The following SLC37A2 variants were observed in gnomAD, a reference collection of about 807,000 sequenced individuals.
SLC37A2 encodes the protein glucose-6-phosphate exchanger SLC37A2.
Under a neutral mutation model 70.7 loss-of-function variants are expected in SLC37A2, and 59 were observed. The observed-to-expected ratio is 0.83, with a 90% confidence interval of 0.68 to 1.04. The LOEUF (loss-of-function observed/expected upper bound fraction) is 1.04. Ranked by LOEUF, SLC37A2 falls within the 50% of genes least tolerant of loss-of-function variation. SLC37A2 has a pLI of 0.00. For synonymous variants in SLC37A2, 257 were observed against 262.1 expected (o/e 0.98, Z 0.19); for missense variants, 580 against 658.1 (o/e 0.88, Z 1.30).
chr11:125,072,802 C>T (rs11219888), intron 1 of SLC37A2, among the ~76,000 whole-genome samples: 26,777 of 152,206 alleles, frequency 0.18, 2,588 homozygotes, highest in African/African-American at 0.25. Flanking sequence ...TCTCTTAGAA[C>T]ACCTGACAAT....
chr11:125,066,399 T>C (rs116775348), intron 1 of SLC37A2, among the ~76,000 whole-genome samples: 4,300 of 152,268 alleles, frequency 0.028, 202 homozygotes, highest in African/African-American at 0.098. Flanking sequence ...GGCAACACAG[T>C]AAGATCCCAT....
chr11:125,081,281 C>T (rs745451794), intron 7 of SLC37A2, 140 bp from the exon 8 acceptor site: 3 of 798,936 alleles, frequency 3.8e-6, no homozygotes, highest in Non-Finnish European at 6.0e-6. Flanking sequence ...CTGGGACACA[C>T]ACTGGCCACC....
rs1445009797 is a variant in SLC37A2, at chr11:125,073,174, ACCCCTAC to A, written c.60-3582_60-3576del. Among the ~76,000 whole-genome samples the A allele has an allele frequency of 1.6e-4, 24 of 151,990 alleles. No individual in the cohort carries two copies. The East Asian group carries it at 4.1e-3, about 26-fold the overall frequency. On this transcript the variant is annotated intron_variant, in intron 1 of 17. Coordinates refer to ENST00000403796, the MANE Select transcript of SLC37A2 (RefSeq NM_001145290.2). ...CTACCAGGTCAGGATGCACGTGGGG[ACCCCTAC>A]TGACTTTCCTGTCTGCCCACGGGAG...
In SLC37A2 at chr11:125,077,415, G is replaced by A. The variant is rs369373350; in HGVS notation, c.236-35G>A. 4.6e-4 allele frequency: 731 copies of A among 1,602,968 alleles called. 3 individuals carry two copies. In the South Asian group the frequency reaches 7.3e-3, roughly 16 times the overall value. ...GAGGGCTTCCTGCAGGGGCATCCAC[G>A]CAGTCAGCTTTCTGTTTCTCCCATC... On this transcript the variant is annotated intron_variant, in intron 3 of 17. Transcript: ENST00000403796.
At chr11:125,066,479 A>G (rs995046192) in intron 1 of SLC37A2, among the ~76,000 whole-genome samples, 1 of 152,230 alleles carries the variant, frequency 6.6e-6, no homozygotes, top group Non-Finnish European at 1.5e-5. Context: ...GCATCAAAGT[A>G]AAATAAAAAC....
In SLC37A2 at chr11:125,077,319, A is replaced by G. The variant is rs1949098734; in HGVS notation, c.231A>G (p.Pro77=). 2 of 1,603,044 alleles carry G rather than the reference A, an allele frequency of 1.2e-6. No homozygotes were observed. Among genetic ancestry groups the G allele is most frequent in the South Asian group, 2.3e-5 (2 of 88,686 alleles). Residue 77 remains proline, a synonymous_variant, in exon 3 of 18, where the codon CCA becomes CCG. Transcript: ENST00000403796. Reference sequence around the variant, plus strand: ...ACACCATGTGGTGCAGCTGGGCCCCATTTGGTAAGAACAGGGCAAGTTGCT... The same window carrying G: ...ACACCATGTGGTGCAGCTGGGCCCCGTTTGGTAAGAACAGGGCAAGTTGCT... ...LNDTMWCSWA[P]FDKDNYKELL...
Position 125,082,288 on chromosome 11 carries a change from C to T in SLC37A2, c.930C>T (p.Val310=). 1 of 1,613,970 alleles carries T rather than the reference C, an allele frequency of 6.2e-7. No homozygotes were observed. Among genetic ancestry groups the T allele is most frequent in the Non-Finnish European group, 8.5e-7 (1 of 1,179,960 alleles). ...FSLCLLFAKL[V]SYTFLYWLPL... ...TGTGTCTGCTGTTTGCCAAGCTGGTCAGTTACACCTTCCTCTACTGGCTGC... is the reference window on the plus strand; with the variant it reads ...TGTGTCTGCTGTTTGCCAAGCTGGTTAGTTACACCTTCCTCTACTGGCTGC... The change falls in exon 10 of 18, where the codon GTC becomes GTT. Residue 310 remains valine, a synonymous_variant. Coordinates refer to ENST00000403796, the MANE Select transcript of SLC37A2 (RefSeq NM_001145290.2).
intron 1 of SLC37A2, among the ~76,000 whole-genome samples, chr11:125,071,475 C>T (rs1949028715): frequency 6.6e-6 from 1 of 152,236 alleles, no homozygotes; most frequent in African/African-American, 2.4e-5. Context: ...CTTCCCAAAG[C>T]AAAACAATCT....
At chr11:125,078,986 A>G (rs1417309210) in intron 4 of SLC37A2, 126 bp from the exon 5 acceptor site, 3 of 1,222,262 alleles carry the variant, frequency 2.5e-6, no homozygotes, top group Non-Finnish European at 2.3e-6. Context: ...GTCACATGGC[A>G]ACACAGAAGT....
chr11:125,081,893 C>T lies in SLC37A2; in HGVS notation c.872C>T (p.Ala291Val), dbSNP rs369372065. The T allele has an allele frequency of 1.5e-5, 24 of 1,602,878 alleles. No individual in the cohort carries two copies. Among genetic ancestry groups the T allele is most frequent in the Admixed American group, 3.6e-5 (2 of 56,134 alleles). The change falls in exon 9 of 18, where the codon GCG (alanine) becomes GTG (valine). Residue 291 changes from alanine to valine, a missense_variant. Physicochemically the swap from Ala to Val is moderately conservative, Grantham distance 64. Transcript: ENST00000403796. ...EEPAAISFFG[A>V]LRIPGVVEFS... is the part of the protein sequence containing the mutation. ...CCTGCTGCCATCAGCTTCTTTGGGG[C>T]GCTCCGGATCCCAGTAAGAAGTTTG... is the stretch of plus-strand genomic sequence containing the variant.
At chr11:125,086,975 A>G (rs1199631900) in intron 17 of SLC37A2, 1 of 155,940 alleles carries the variant, frequency 6.4e-6, no homozygotes, top group Non-Finnish European at 1.4e-5. Flanking sequence ...AAGTGAGAGC[A>G]GGAAGACACA....
intron 1 of SLC37A2, among the ~76,000 whole-genome samples, chr11:125,068,400 G>T (rs2135559055): frequency 6.6e-6 from 1 of 152,308 alleles, no homozygotes; most frequent in Middle Eastern, 3.4e-3. Flanking sequence ...ATGTCACGTA[G>T]TTCTTCTGTA....
rs187517187 is a variant in SLC37A2 at position 125,085,088 on chromosome 11, C to T, written c.1197C>T (p.Gly399=). The change falls in exon 14 of 18, where the codon GGC becomes GGT. Residue 399 remains glycine (G), a synonymous_variant. Transcript: ENST00000403796. The part of the protein sequence containing the change: ...SSIVMLIICG[G]LVNGPYALIT... The stretch of plus-strand genomic sequence containing the variant: ...CAGTGATGCTGATCATCTGTGGGGG[C>T]CTGGTCAATGGCCCATACGCGCTCA... 1.2e-6 allele frequency: 2 copies of T among 1,613,982 alleles called. No homozygotes were observed. Among genetic ancestry groups the T allele is most frequent in the South Asian group, 2.2e-5 (2 of 91,092 alleles).
intron 1 of SLC37A2, among the ~76,000 whole-genome samples, chr11:125,073,355 C>T (rs143332910): frequency 5.1e-4 from 77 of 152,338 alleles, no homozygotes; most frequent in African/African-American, 1.5e-3. Context: ...CAGCGGGAGG[C>T]GGGGTGGAGG....
intron 4 of SLC37A2, among the ~76,000 whole-genome samples, chr11:125,078,791 ATGTGATGCC>A (rs6144549): frequency 0.31 from 46,814 of 149,556 alleles, 7,686 homozygotes; most frequent in African/African-American, 0.44. Flanking sequence ...GAAGATATGC[ATGTGATGCC>A]TGTGGAGCTA....
chr11:125,081,885 C>T lies in SLC37A2; in HGVS notation c.864C>T (p.Phe288=). Residue 288 remains phenylalanine (F), a synonymous_variant, in exon 9 of 18, where the codon TTC becomes TTT. Transcript: ENST00000403796. ...GPCEEPAAIS[F]FGALRIPGVV... ...GCGAAGAGCCTGCTGCCATCAGCTTCTTTGGGGCGCTCCGGATCCCAGTAA... is the reference window on the plus strand; with the variant it reads ...GCGAAGAGCCTGCTGCCATCAGCTTTTTTGGGGCGCTCCGGATCCCAGTAA... 1.2e-6 allele frequency: 2 copies of T among 1,611,824 alleles called. No homozygotes were observed. Among genetic ancestry groups the T allele is most frequent in the Non-Finnish European group, 1.7e-6 (2 of 1,179,130 alleles).
In SLC37A2 at chr11:125,070,727, C is replaced by T. The variant is rs534625874; in HGVS notation, c.60-6030C>T. Among the ~76,000 whole-genome samples, 3 of 152,274 alleles carry T rather than the reference C, an allele frequency of 2.0e-5. No homozygotes were observed. In the South Asian group the frequency reaches 6.2e-4, roughly 32 times the overall value. ...AGAACCTGGAGTCTCAGCCCATGATCCCTACTCCGGCCCCCCAGAAGGGGC... is the reference window on the plus strand; with the variant it reads ...AGAACCTGGAGTCTCAGCCCATGATTCCTACTCCGGCCCCCCAGAAGGGGC... On this transcript the variant is annotated intron_variant, in intron 1 of 17. Coordinates refer to ENST00000403796, the MANE Select transcript of SLC37A2 (RefSeq NM_001145290.2).
chr11:125,070,763 G>C (rs1051207334), intron 1 of SLC37A2, among the ~76,000 whole-genome samples: 2 of 152,190 alleles, frequency 1.3e-5, no homozygotes, highest in African/African-American at 4.8e-5. Flanking sequence ...ATGTGAGCCT[G>C]TGGAGGTCCC....
At chr11:125,082,623 T>C (rs906951511) in intron 10 of SLC37A2, among the ~76,000 whole-genome samples, 3 of 152,154 alleles carry the variant, frequency 2.0e-5, no homozygotes, top group Non-Finnish European at 2.9e-5. Context: ...TCTTCTTCTC[T>C]AGCCCTTAGT....
Sources: gnomAD v4.1 joint callset for allele counts (sites outside exome capture counted in the v4.1 genomes callset) on GRCh38, gnomAD v4.1.1 for gene constraint, MANE v1.5 for transcripts, NCBI Gene and HGNC (gene_info 2026-07-23, HGNC 2026-07-21) for gene names.